Variants in SLC4A4 observed in about 807,000 individuals in gnomAD.
The protein encoded by SLC4A4 is electrogenic sodium bicarbonate cotransporter 1.
SLC4A4 carries 27 observed loss-of-function variants against 111.5 expected under a neutral mutation model. The observed-to-expected ratio is 0.24, with a 90% CI of 0.18 to 0.33. The LOEUF (loss-of-function observed/expected upper bound fraction) is 0.33. Among genes scored for constraint, SLC4A4 ranks in the 10% least tolerant of loss-of-function variants. The pLI, the probability that SLC4A4 is intolerant of heterozygous loss-of-function variation, is 1.00. For missense variants in SLC4A4, 909 were observed against 1,315.5 expected, an observed-to-expected ratio of 0.69 and a Z score of 4.78; for synonymous variants, 443 against 463.4, an observed-to-expected ratio of 0.96 and a Z score of 0.57.
At chr4:71,374,880 T>A (rs1343863215) in intron 6 of SLC4A4, among the ~76,000 whole-genome samples, 1 of 152,160 alleles carries the variant, frequency 6.6e-6, no homozygotes, top group African/African-American at 2.4e-5. Flanking sequence ...ATAATCAGAC[T>A]CTCCTGCTCA....
intron 6 of SLC4A4, among the ~76,000 whole-genome samples, chr4:71,370,088 A>C (rs1010048511): frequency 2.0e-5 from 3 of 152,192 alleles, no homozygotes; most frequent in Non-Finnish European, 4.4e-5. Context: ...TTGAATAATA[A>C]AAGTTACAAA....
At chr4:71,074,943 T>C (rs1741767546) in intron 1 of SLC4A4, among the ~76,000 whole-genome samples, 1 of 152,198 alleles carries the variant, frequency 6.6e-6, no homozygotes, top group South Asian at 2.1e-4. Context: ...ACAGTGTCAG[T>C]GCCTCTCCTT....
intron 2 of SLC4A4, among the ~76,000 whole-genome samples, chr4:71,147,310 C>T (rs1053385202): frequency 6.6e-6 from 1 of 152,072 alleles, no homozygotes; most frequent in Non-Finnish European, 1.5e-5. Context: ...TTTATGTTTG[C>T]CTTTTCTCTC....
At chr4:71,095,998 A>C (rs1742534740) in intron 2 of SLC4A4, among the ~76,000 whole-genome samples, 2 of 152,156 alleles carry the variant, frequency 1.3e-5, no homozygotes, top group Non-Finnish European at 2.9e-5. Context: ...TAAAGTGGAG[A>C]GAAGGGTAAA....
In SLC4A4 at chr4:71,453,575, A is replaced by G. The variant is rs767557536; in HGVS notation, c.1403A>G (p.Gln468Arg). ...GATTTTTATGATGCTTTAAATATTC[A>G]AGCTCTTTCGGCAATTCTCTTCATT... ...ASDFYDALNIQALSAILFIYL... is the reference protein window; with the variant it reads ...ASDFYDALNIRALSAILFIYL... The change falls in exon 12 of 26, where the codon CAA (glutamine) becomes CGA (arginine). Residue 468 changes from glutamine (Q) to arginine (R), a missense_variant. Gln to Arg is a conservative substitution (Grantham distance 43). This residue lies in a region of SLC4A4 where 312 missense variants were observed against 402.0 expected (regional missense o/e 0.78). Transcript: ENST00000264485. 1.9e-6 allele frequency: 3 copies of G among 1,613,846 alleles called. No homozygotes were observed. The highest frequency in any genetic ancestry group is 2.5e-6 in the Non-Finnish European group (3 of 1,179,896).
intron 16 of SLC4A4, among the ~76,000 whole-genome samples, chr4:71,519,224 A>G (rs1560581792): frequency 1.3e-5 from 2 of 152,228 alleles, no homozygotes; most frequent in African/African-American, 2.4e-5. Flanking sequence ...CCCAGACTAA[A>G]TAGAATGGTC....
At chr4:71,211,776 T>G (rs1160456591) in intron 1 of SLC4A4, among the ~76,000 whole-genome samples, 2 of 68,042 alleles carry the variant, frequency 2.9e-5, no homozygotes, top group East Asian at 9.1e-4. Context: ...TATCTGTTTT[T>G]TTTTTTTTTT....
chr4:71,380,938 T>C (rs896686924), intron 6 of SLC4A4, among the ~76,000 whole-genome samples: 2 of 152,192 alleles, frequency 1.3e-5, no homozygotes, highest in Non-Finnish European at 2.9e-5. Flanking sequence ...GCCTGGTGTT[T>C]CTCAATGAAG....
chr4:71,271,041 G>C (rs6831691), intron 3 of SLC4A4, among the ~76,000 whole-genome samples: 18,455 of 152,086 alleles, frequency 0.12, 1,160 homozygotes, highest in South Asian at 0.19. Flanking sequence ...GGCTGCTGTG[G>C]GTGCCCACCA....
At position 71,115,215 on chromosome 4, in the gene SLC4A4, T is replaced by C. The variant is rs1249305238; in HGVS notation, c.-2+22423T>C. On this transcript the variant is annotated intron_variant, in intron 2 of 26. Coordinates refer to the SLC4A4 transcript ENST00000649996. ...GTGGGGGGAGGGGAGAGGGATAGCATTGGGAGATATACCTAATGCTAGATG... is the reference window on the plus strand; with the variant it reads ...GTGGGGGGAGGGGAGAGGGATAGCACTGGGAGATATACCTAATGCTAGATG... 2.8e-4 allele frequency among the ~76,000 whole-genome samples: 41 copies of C among 145,158 alleles called. 1 individual carries two copies. The South Asian group carries it at 4.3e-3, about 15-fold the overall frequency.
intron 2 of SLC4A4, among the ~76,000 whole-genome samples, chr4:71,111,895 C>G (rs541618137): frequency 7.0e-4 from 106 of 152,070 alleles, no homozygotes; most frequent in Middle Eastern, 3.4e-3. Context: ...CAGGGTTTCA[C>G]CATGTTGGCC....
intron 6 of SLC4A4, among the ~76,000 whole-genome samples, chr4:71,359,061 T>C (rs1247743168): frequency 6.6e-6 from 1 of 152,198 alleles, no homozygotes; most frequent in Non-Finnish European, 1.5e-5. Flanking sequence ...TGAGCTTCAT[T>C]TCCATGGAAC....
chr4:71,194,005 T>C (rs1745873919), intron 1 of SLC4A4, among the ~76,000 whole-genome samples: 1 of 152,194 alleles, frequency 6.6e-6, no homozygotes, highest in South Asian at 2.1e-4. Flanking sequence ...ATTAAATAAC[T>C]TTAATACAGT....
intron 2 of SLC4A4, among the ~76,000 whole-genome samples, chr4:71,134,634 G>A (rs1009825777): frequency 3.9e-5 from 6 of 152,276 alleles, no homozygotes; most frequent in Admixed American, 6.5e-5. Context: ...GTATTGCTCC[G>A]AATAGAAGCC....
intron 16 of SLC4A4, among the ~76,000 whole-genome samples, chr4:71,510,590 T>C (rs902062476): frequency 6.6e-6 from 1 of 152,318 alleles, no homozygotes; most frequent in Middle Eastern, 3.4e-3. Flanking sequence ...CTTTCAGTTT[T>C]AAACTACGTG....
chr4:71,490,520 A>G (rs1230978460), intron 15 of SLC4A4, among the ~76,000 whole-genome samples: 2 of 151,714 alleles, frequency 1.3e-5, no homozygotes, highest in African/African-American at 4.8e-5. Flanking sequence ...TCTTTGCCCA[A>G]ATACTCTGCC....
At chr4:71,152,697 A>G (rs902742794) in intron 2 of SLC4A4, among the ~76,000 whole-genome samples, 4 of 152,068 alleles carry the variant, frequency 2.6e-5, no homozygotes, top group African/African-American at 9.7e-5. Flanking sequence ...CTCTTGACGC[A>G]CATGTGCATC....
At chr4:71,122,553 A>G (rs1743461497) in intron 2 of SLC4A4, among the ~76,000 whole-genome samples, 1 of 152,048 alleles carries the variant, frequency 6.6e-6, no homozygotes, top group African/African-American at 2.4e-5. Flanking sequence ...ACAGAACTTT[A>G]TGAGACTTCA....
At chr4:71,092,256 TCTTAA>T (rs71673456) in intron 1 of SLC4A4, among the ~76,000 whole-genome samples, 15,714 of 152,208 alleles carry the variant, frequency 0.1, 1,078 homozygotes, top group African/African-American at 0.2. Context: ...TAGAAGCTTC[TCTTAA>T]CTTAGAGAAG....
Sources: gnomAD v4.1 joint callset for allele counts (sites outside exome capture counted in the v4.1 genomes callset) on GRCh38, gnomAD v4.1.1 for gene constraint, gnomAD v4.1.1 regional missense constraint, MANE v1.5 for transcripts, NCBI Gene and HGNC (gene_info 2026-07-23, HGNC 2026-07-21) for gene names.